MIA2: variants seen among roughly 807,000 people sequenced by gnomAD.
The protein encoded by MIA2 is MIA SH3 domain ER export factor 2.
Under a neutral mutation model 167.8 loss-of-function variants are expected in MIA2, and 127 were observed. The ratio of observed to expected loss-of-function variants is 0.76; its 90% CI spans 0.66 to 0.88. MIA2 has a LOEUF of 0.88. Among genes scored for constraint, MIA2 ranks in the 40% least tolerant of loss-of-function variants. The probability of loss-of-function intolerance (pLI) is 0.00; values close to 1 mark genes in which losing one functional copy is unlikely to be tolerated. For missense variants in MIA2, 1,690 were observed against 1,624.7 expected (o/e 1.04, Z -0.69); for synonymous variants, 552 against 541.9 (o/e 1.02, Z -0.26).
chr14:39,309,220 T>G (rs943485959), intron 18 of MIA2, among the ~76,000 whole-genome samples: 6 of 152,236 alleles, frequency 3.9e-5, no homozygotes, highest in African/African-American at 1.4e-4. Context: ...CCCTTTCTCC[T>G]GCACTGTGTT....
chr14:39,272,046 G>A (rs563369752), intron 6 of MIA2, among the ~76,000 whole-genome samples: 7 of 151,888 alleles, frequency 4.6e-5, no homozygotes, highest in South Asian at 4.2e-4. Context: ...AGAGGTGGGC[G>A]TGACAATGTA....
chr14:39,260,132 A>T (rs1220315054), intron 6 of MIA2, among the ~76,000 whole-genome samples: 1 of 152,156 alleles, frequency 6.6e-6, no homozygotes, highest in Non-Finnish European at 1.5e-5. Context: ...GGTTGGTTCC[A>T]AGTCTGCTAT....
At chr14:39,347,648 C>A in intron 26 of MIA2, 65 bp from the exon 27 acceptor site, 1 of 1,537,274 alleles carries the variant, frequency 6.5e-7, no homozygotes, top group South Asian at 1.1e-5. Context: ...ATTTTGTGAT[C>A]TGGAGATACT....
At chr14:39,297,357 G>T (rs1413099977) in intron 13 of MIA2, among the ~76,000 whole-genome samples, 1 of 152,132 alleles carries the variant, frequency 6.6e-6, no homozygotes, top group African/African-American at 2.4e-5. Context: ...CTCCCAAAGT[G>T]CTGGGATTAC....
At chr14:39,338,866 A>C (rs1400014712) in intron 25 of MIA2, among the ~76,000 whole-genome samples, 1 of 152,206 alleles carries the variant, frequency 6.6e-6, no homozygotes, top group Non-Finnish European at 1.5e-5. Flanking sequence ...AAAAACTTTC[A>C]AGTTGTATGT....
intron 9 of MIA2, among the ~76,000 whole-genome samples, chr14:39,288,596 A>T (rs2060284234): frequency 6.7e-6 from 1 of 149,036 alleles, no homozygotes; most frequent in African/African-American, 2.5e-5. Flanking sequence ...TGCCTCAGCC[A>T]CCTGAGTATC....
intron 6 of MIA2, among the ~76,000 whole-genome samples, chr14:39,260,076 T>C (rs144837781): frequency 0.016 from 2,498 of 152,286 alleles, 48 homozygotes; most frequent in African/African-American, 0.049. Flanking sequence ...CCATAGTGTA[T>C]ATGTGCCACA....
At chr14:39,375,690 C>CT (rs761766652) in intron 23 of MIA2, among the ~76,000 whole-genome samples, 26 of 152,104 alleles carry the variant, frequency 1.7e-4, no homozygotes, top group Non-Finnish European at 3.1e-4. Context: ...GAGCAAGAGT[C>CT]TGTCTTTAAA....
chr14:39,348,022 AGGCT>A (rs2073775273), intron 27 of MIA2, among the ~76,000 whole-genome samples: 1 of 152,004 alleles, frequency 6.6e-6, no homozygotes, highest in Admixed American at 6.6e-5. Context: ...CCTGTTGGCG[AGGCT>A]GGTCTTGAAG....
At chr14:39,242,249 T>C (rs762112622) in intron 3 of MIA2, among the ~76,000 whole-genome samples, 2 of 152,130 alleles carry the variant, frequency 1.3e-5, no homozygotes, top group African/African-American at 2.4e-5. Flanking sequence ...TGGAGAGGCC[T>C]TCCATGATGA....
Position 39,350,168 on chromosome 14 carries a change from C to T in MIA2, c.4143C>T (p.Pro1381=). 2.8e-6 allele frequency: 4 copies of T among 1,436,310 alleles called. No individual in the cohort carries two copies. Among genetic ancestry groups the T allele is most frequent in the South Asian group, 1.3e-5 (1 of 79,392 alleles). The allele number at this position is 1,436,310 out of a possible 1,614,324, so 89.0% of individuals were successfully genotyped here. A position where few individuals can be genotyped will look rare whatever the true frequency, so the allele number is the denominator to read the frequency against. Residue 1381 remains proline, a synonymous_variant, in exon 29 of 29, where the codon CCC becomes CCT. Transcript: ENST00000640607. The part of the protein sequence containing the change: ...LPPRPGFFPP[P]PHSEGRSEFP... ...CAAGACCTGGATTTTTCCCCCCACC[C>T]CCACATTCTGAAGGTAGAAGTGAGT...
At chr14:39,374,489 CTTTT>C (rs35835034) in intron 23 of MIA2, among the ~76,000 whole-genome samples, 1 of 152,172 alleles carries the variant, frequency 6.6e-6, no homozygotes, top group African/African-American at 2.4e-5. Context: ...TGATGGCTAT[CTTTT>C]TTTGGAAAAA....
rs35757487 is a variant in MIA2, at chr14:39,247,860, C to A, written c.1286C>A (p.Thr429Lys). The A allele has an allele frequency of 3.8e-6, 6 of 1,587,110 alleles. No homozygotes were observed. The highest frequency in any genetic ancestry group is 4.5e-5 in the East Asian group (2 of 44,746). ...LDPEKEQEIE[T>K]IKIIETEDQI... ...CCTGAAAAAGAACAAGAAATAGAAA[C>A]GATAAAAATTATAGAAACAGAAGAT... The change falls in exon 4 of 29, where the codon ACG becomes AAG. Residue 429 changes from threonine to lysine, a missense_variant. Thr to Lys is a moderately conservative substitution (Grantham distance 78). Transcript: ENST00000640607.
intron 9 of MIA2, among the ~76,000 whole-genome samples, chr14:39,288,465 A>ATTTTTTTTTTTT (rs1410286393): frequency 2.3e-5 from 1 of 42,696 alleles, no homozygotes; most frequent in African/African-American, 1.1e-4. Flanking sequence ...ATATATATAT[A>ATTTTTTTTTTTT]TATATATATA....
chr14:39,286,268 C>G (rs985274577), intron 9 of MIA2, among the ~76,000 whole-genome samples: 1 of 152,222 alleles, frequency 6.6e-6, no homozygotes, highest in South Asian at 2.1e-4. Context: ...CACAGTGAAA[C>G]CCCGTCTCCA....
In MIA2 at chr14:39,284,300, T is replaced by C. The variant is rs139635471; in HGVS notation, c.2130+4763T>C. Among the ~76,000 whole-genome samples the C allele has an allele frequency of 1.6e-3, 245 of 152,336 alleles. 2 individuals are homozygous for C. The Middle Eastern group carries it at 0.02, about 13-fold the overall frequency. ...AATCCAGTTTTCTCACTACCATTTA[T>C]TGATGAGACTATTCTTTCTGCATTG... On this transcript the variant is annotated intron_variant, in intron 9 of 28. Coordinates refer to ENST00000640607, the MANE Select transcript of MIA2 (RefSeq NM_001329214.4).
At chr14:39,307,325 T>C (rs1244180974) in intron 17 of MIA2, among the ~76,000 whole-genome samples, 1 of 151,782 alleles carries the variant, frequency 6.6e-6, no homozygotes, top group Non-Finnish European at 1.5e-5. Flanking sequence ...AATTGAAAAT[T>C]AGATGCTAGA....
At chr14:39,325,653 C>T (rs1297365232) in intron 24 of MIA2, among the ~76,000 whole-genome samples, 2 of 151,714 alleles carry the variant, frequency 1.3e-5, no homozygotes, top group Non-Finnish European at 2.9e-5. Context: ...AGGTGTGAGC[C>T]ACCGCGCCTG....
intron 9 of MIA2, among the ~76,000 whole-genome samples, chr14:39,280,768 A>G (rs1049827235): frequency 1.3e-5 from 2 of 151,734 alleles, no homozygotes; most frequent in African/African-American, 2.4e-5. Context: ...AAAAAACCCT[A>G]CTGGCTGTTT....
Sources: allele counts gnomAD v4.1 joint callset (sites outside exome capture counted in the v4.1 genomes callset), GRCh38; gene constraint gnomAD v4.1.1; transcripts MANE v1.5; gene names NCBI Gene and HGNC (gene_info 2026-07-23, HGNC 2026-07-21).